The following DNAH9 variants were observed in gnomAD, a reference collection of about 807,000 sequenced individuals.
The protein encoded by DNAH9 is DNAH9 variant protein.
In DNAH9, 345 loss-of-function variants were observed where a neutral mutation model predicts 471.6. That is an observed-to-expected ratio of 0.73 (90% confidence interval 0.67 to 0.80). The LOEUF is 0.80. DNAH9 is among the 30% of genes least tolerant of loss of function. DNAH9 has a pLI of 0.00. For synonymous variants in DNAH9, 2,093 were observed against 2,123.6 expected, an observed-to-expected ratio of 0.99 and a Z score of 0.40; for missense variants, 5,407 against 5,609.2, an observed-to-expected ratio of 0.96 and a Z score of 1.15.
At chr17:11,646,635 C>T (rs554882417) in intron 11 of DNAH9, among the ~76,000 whole-genome samples, 3 of 152,124 alleles carry the variant, frequency 2.0e-5, no homozygotes, top group Non-Finnish European at 4.4e-5. Context: ...TGGCTATGGC[C>T]GGGTGCAGTG....
chr17:11,852,772 G>A (rs1399265458), intron 49 of DNAH9, among the ~76,000 whole-genome samples: 1 of 136,084 alleles, frequency 7.3e-6, no homozygotes, highest in Non-Finnish European at 1.6e-5. Context: ...ATGGCAACCG[G>A]CAGTATATAT....
chr17:11,640,667 T>C (rs1347423343), intron 10 of DNAH9, among the ~76,000 whole-genome samples: 1 of 152,194 alleles, frequency 6.6e-6, no homozygotes, highest in African/African-American at 2.4e-5. Flanking sequence ...TTTTAAGCTC[T>C]GTGGAGTTCT....
intron 32 of DNAH9, among the ~76,000 whole-genome samples, chr17:11,748,248 A>T (rs1407426782): frequency 6.6e-6 from 1 of 150,900 alleles, no homozygotes; most frequent in African/African-American, 2.4e-5. Context: ...AATTGCTTGA[A>T]CCCGGGTGGT....
intron 6 of DNAH9, 147 bp downstream of exon 6, chr17:11,619,928 C>T (rs2072820373): frequency 3.3e-6 from 2 of 611,852 alleles, no homozygotes; most frequent in Admixed American, 2.8e-5. Flanking sequence ...GTTCAATTGG[C>T]CAGTCACAGT....
chr17:11,742,383 C>T (rs2075445716), intron 30 of DNAH9, 70 bp downstream of exon 30: 3 of 1,498,550 alleles, frequency 2.0e-6, no homozygotes, highest in South Asian at 1.2e-5. Flanking sequence ...AGTTCTGGAA[C>T]AAATGTATTA....
intron 27 of DNAH9, among the ~76,000 whole-genome samples, chr17:11,726,549 G>A (rs2075155757): frequency 6.6e-6 from 1 of 152,088 alleles, no homozygotes. Flanking sequence ...CACCTCTTTG[G>A]CAAAACTGAT....
rs762924565 is a variant in DNAH9, at chr17:11,834,328, CA to C, written c.9247-289del. On this transcript the variant is annotated intron_variant, in intron 48 of 68. Coordinates refer to ENST00000262442, the MANE Select transcript of DNAH9 (RefSeq NM_001372.4). ...CGGGTGACAGAGTGAGACTCCGTCT[CA>C]AAAAAAAAAAAAAAAAAAAAGAAGA... 4.9e-3 allele frequency among the ~76,000 whole-genome samples: 384 copies of C among 77,806 alleles called. 1 individual carries two copies. Among genetic ancestry groups the C allele is most frequent in the African/African-American group, 0.018 (350 of 19,840 alleles). 51.0% of individuals were successfully genotyped at this position (77,806 alleles called of 152,430 possible). A position where few individuals can be genotyped will look rare whatever the true frequency, so the allele number is the denominator to read the frequency against.
In DNAH9 at chr17:11,804,037, C is replaced by G. The variant is rs577877079; in HGVS notation, c.8421-3695C>G. 5.3e-5 allele frequency among the ~76,000 whole-genome samples: 8 copies of G among 152,306 alleles called. No homozygotes were observed. In the South Asian group the frequency reaches 1.7e-3, roughly 32 times the overall value. On this transcript the variant is annotated intron_variant, in intron 43 of 68. Transcript: ENST00000262442. ...GAGCTCATATAAGGCATGGGTTGTT[C>G]TGTTTAAATTTAACAAAAATGTATT...
chr17:11,806,251 G>A (rs977986588), intron 43 of DNAH9, among the ~76,000 whole-genome samples: 2 of 152,068 alleles, frequency 1.3e-5, no homozygotes, highest in Admixed American at 6.6e-5. Context: ...AGTACATGTC[G>A]GTGCCGTCAT....
chr17:11,607,929 T>C lies in DNAH9; in HGVS notation c.418-200T>C, dbSNP rs558411469. 5.9e-5 allele frequency among the ~76,000 whole-genome samples: 9 copies of C among 152,254 alleles called. No individual in the cohort carries two copies. The East Asian group carries it at 1.7e-3, about 29-fold the overall frequency. ...CAGGAGCAGAATGGGAAGGAAAACT[T>C]GTAAGCAGGCTATTCAAGGGCTTCC... On this transcript the variant is annotated intron_variant, in intron 1 of 68. Transcript: ENST00000262442.
At chr17:11,602,035 C>G (rs1468394138) in intron 1 of DNAH9, among the ~76,000 whole-genome samples, 1 of 152,196 alleles carries the variant, frequency 6.6e-6, no homozygotes, top group Non-Finnish European at 1.5e-5. Context: ...AACTTGTTCT[C>G]CTACTTCCTT....
chr17:11,623,016 C>T lies in DNAH9; in HGVS notation c.1350+3235C>T, dbSNP rs1218586346. Among the ~76,000 whole-genome samples the T allele has an allele frequency of 7.0e-6, 1 of 142,606 alleles. No individual in the cohort carries two copies. Among genetic ancestry groups the T allele is most frequent in the Non-Finnish European group, 1.5e-5 (1 of 66,534 alleles). The allele number at this position is 142,606 out of a possible 152,430, so 93.6% of individuals were successfully genotyped here. On this transcript the variant is annotated intron_variant, in intron 6 of 68. Coordinates refer to ENST00000262442, the MANE Select transcript of DNAH9 (RefSeq NM_001372.4). This position sits in a 1 kb window ranked among gnomAD's most constrained non-coding sequence, Gnocchi z 4.1. ...GAGATGGAGTTTTGCTCTTGTTGCC[C>T]AGGCTGGAGTGCAGTGGCACAATCT...
At chr17:11,633,743 G>A (rs898677632) in intron 8 of DNAH9, among the ~76,000 whole-genome samples, 1 of 152,108 alleles carries the variant, frequency 6.6e-6, no homozygotes, top group Non-Finnish European at 1.5e-5. Context: ...CAACTTGTGG[G>A]GCTGAAACTC....
At position 11,843,841 on chromosome 17, in the gene DNAH9, T is replaced by TTGTGTGTGTGTGTG. The variant is rs370150805; in HGVS notation, c.9507+8953_9507+8966dup. On this transcript the variant is annotated intron_variant, in intron 49 of 68. Coordinates refer to ENST00000262442, the MANE Select transcript of DNAH9 (RefSeq NM_001372.4). ...TTTGTATATATACATGTATATGTGTTTGTGTGTGTGTGTGTGTGTGTGTAT... is the reference window on the plus strand; with the variant it reads ...TTTGTATATATACATGTATATGTGTTTGTGTGTGTGTGTGTGTGTGTGTGTGTGTGTGTGTGTAT... Among the ~76,000 whole-genome samples the TTGTGTGTGTGTGTG allele has an allele frequency of 3.3e-4, 23 of 69,854 alleles. 1 individual carries two copies. The highest frequency in any genetic ancestry group is 2.0e-3 in the Admixed American group (9 of 4,396). The allele number at this position is 69,854 out of a possible 152,430, so 45.8% of individuals were successfully genotyped here.
intron 61 of DNAH9, among the ~76,000 whole-genome samples, chr17:11,922,859 G>A (rs528320172): frequency 1.3e-5 from 2 of 152,212 alleles, no homozygotes; most frequent in South Asian, 4.2e-4. Flanking sequence ...CAGAGGACAA[G>A]GCAAGCCACA....
At chr17:11,726,647 T>G (rs1055405655) in intron 27 of DNAH9, among the ~76,000 whole-genome samples, 4 of 152,176 alleles carry the variant, frequency 2.6e-5, no homozygotes, top group African/African-American at 7.2e-5. Flanking sequence ...TGCAGTAATT[T>G]TCCTGTTTTT....
At chr17:11,861,973 C>T (rs1597749412) in intron 50 of DNAH9, among the ~76,000 whole-genome samples, 1 of 151,380 alleles carries the variant, frequency 6.6e-6, no homozygotes, top group East Asian at 1.9e-4. Context: ...TTGTGGTTTG[C>T]CTGTTCACTC....
In DNAH9 at chr17:11,962,087, T is replaced by G; in HGVS notation, c.13064T>G (p.Phe4355Cys). 1 of 1,614,120 alleles carries G rather than the reference T, an allele frequency of 6.2e-7. No individual in the cohort carries two copies. Among genetic ancestry groups the G allele is most frequent in the Non-Finnish European group, 8.5e-7 (1 of 1,180,032 alleles). The change falls in exon 68 of 69, where the codon TTC becomes TGC. Residue 4355 changes from phenylalanine to cysteine, a missense_variant. This residue lies in a region of DNAH9 where 4,636 missense variants were observed against 4,900.3 expected (regional missense o/e 0.95). Coordinates refer to ENST00000262442, the MANE Select transcript of DNAH9 (RefSeq NM_001372.4). The surrounding 1 kb of genome is among the most constrained non-coding windows in gnomAD (Gnocchi z 4.1). ...ACAGGCTTCTTCAACCCCCAGTCGT[T>G]CCTGACTGCCATCATGCAGTCCACG... ...WLTGFFNPQSFLTAIMQSTAR... is the reference protein window; with the variant it reads ...WLTGFFNPQSCLTAIMQSTAR...
intron 50 of DNAH9, among the ~76,000 whole-genome samples, chr17:11,864,727 T>G (rs1009817273): frequency 7.9e-5 from 12 of 152,146 alleles, no homozygotes; most frequent in Non-Finnish European, 1.5e-4. Flanking sequence ...GCATATATAT[T>G]TAGGATAGTT....
Sources: allele counts gnomAD v4.1 joint callset (sites outside exome capture counted in the v4.1 genomes callset), GRCh38; gene constraint gnomAD v4.1.1; regional missense constraint gnomAD v4.1.1; non-coding constraint Gnocchi (gnomAD v3.1); transcripts MANE v1.5; gene names NCBI Gene and HGNC (gene_info 2026-07-23, HGNC 2026-07-21).